The following ZCCHC14 variants were observed in gnomAD, a reference collection of about 807,000 sequenced individuals.
ZCCHC14 encodes the protein zinc finger CCHC domain-containing protein 14.
A neutral mutation model predicts 85.0 loss-of-function variants in ZCCHC14; 16 were observed. The ratio of observed to expected loss-of-function variants is 0.19; its 90% confidence interval spans 0.13 to 0.29. The LOEUF (loss-of-function observed/expected upper bound fraction) is 0.29. ZCCHC14 is among the 10% of genes least tolerant of loss of function. ZCCHC14 has a pLI of 1.00. For missense variants in ZCCHC14, 1,303 were observed against 1,443.5 expected, an observed-to-expected ratio of 0.90 and a Z score of 1.58; for synonymous variants, 775 against 630.7, an observed-to-expected ratio of 1.23 and a Z score of -3.43.
intron 2 of ZCCHC14, among the ~76,000 whole-genome samples, chr16:87,450,639 C>T (rs1281595235): frequency 2.0e-5 from 3 of 147,352 alleles, no homozygotes; most frequent in African/African-American, 5.0e-5. Flanking sequence ...GGCATGATCT[C>T]GGCTCATTGC....
chr16:87,456,426 C>T (rs9935988), intron 2 of ZCCHC14, among the ~76,000 whole-genome samples: 3,850 of 147,062 alleles, frequency 0.026, 163 homozygotes, highest in African/African-American at 0.091. Context: ...GCAGCTACTC[C>T]GGAGGCTGAG....
Position 87,412,003 on chromosome 16 carries a change from ATGGTGGTGG to A in ZCCHC14, c.2709_2717del (p.His904_His906del), listed in dbSNP as rs769194539. Reference sequence around the variant, plus strand: ...GCTGCGGGGGTGCCGGGGGCTGCTGATGGTGGTGGTGGTGGTGGTGGTTCGGATTCGAGG... The same window carrying A: ...GCTGCGGGGGTGCCGGGGGCTGCTGATGGTGGTGGTGGTTCGGATTCGAGG... On this transcript the variant is annotated inframe_deletion, in exon 12 of 13. Transcript: ENST00000671377. 19 of 1,609,188 alleles carry A rather than the reference ATGGTGGTGG, an allele frequency of 1.2e-5. No individual in the cohort carries two copies. The highest frequency in any genetic ancestry group is 1.0e-4 in the Admixed American group (6 of 59,956).
At chr16:87,438,784 G>A (rs139702778) in intron 2 of ZCCHC14, among the ~76,000 whole-genome samples, 664 of 152,232 alleles carry the variant, frequency 4.4e-3, no homozygotes, top group South Asian at 0.014. Context: ...CGGGCCCACC[G>A]TCGGCACTGC....
At chr16:87,440,265 A>C (rs1444214959) in intron 2 of ZCCHC14, among the ~76,000 whole-genome samples, 1 of 151,880 alleles carries the variant, frequency 6.6e-6, no homozygotes, top group African/African-American at 2.4e-5. Context: ...CCTGAGTTCA[A>C]GCGATTCTTG....
At chr16:87,423,787 A>G (rs924856406) in intron 4 of ZCCHC14, 23 bp downstream of exon 4, 9 of 1,611,306 alleles carry the variant, frequency 5.6e-6, no homozygotes, top group Admixed American at 5.0e-5. Flanking sequence ...TTTAATTTTT[A>G]TAAGAGCCCT....
At chr16:87,449,148 G>A (rs1321525315) in intron 2 of ZCCHC14, among the ~76,000 whole-genome samples, 3 of 152,310 alleles carry the variant, frequency 2.0e-5, no homozygotes, top group African/African-American at 7.2e-5. Context: ...TGAGGAAGGC[G>A]CTCATCTTGG....
In ZCCHC14 at chr16:87,491,619, T is replaced by A. The variant is rs751400260; in HGVS notation, c.570+50A>T. The A allele has an allele frequency of 7.4e-7, 1 of 1,342,390 alleles. No homozygotes were observed. The highest frequency in any genetic ancestry group is 3.7e-5 in the Admixed American group (1 of 26,886). 83.2% of individuals were successfully genotyped at this position (1,342,390 alleles called of 1,614,324 possible). A position where few individuals can be genotyped will look rare whatever the true frequency, so the allele number is the denominator to read the frequency against. On this transcript the variant is annotated intron_variant, in intron 1 of 12. Transcript: ENST00000671377. The surrounding 1 kb of genome is among the most constrained non-coding windows in gnomAD (Gnocchi z 5.9). ...CAGGCTGGAGGCTTGGAGTGCAGAG[T>A]TGGGGATGCAGACTTGGGGTACAGG... is the stretch of plus-strand genomic sequence containing the variant.
intron 6 of ZCCHC14, among the ~76,000 whole-genome samples, chr16:87,419,356 A>G (rs1027262739): frequency 1.3e-4 from 20 of 151,948 alleles, no homozygotes; most frequent in African/African-American, 4.6e-4. Context: ...GCTGGAGTGC[A>G]GTGGTGCAAT....
Position 87,412,452 on chromosome 16 carries a change from T to C in ZCCHC14, c.2269A>G (p.Thr757Ala). Residue 757 changes from threonine (T) to alanine (A), a missense_variant, in exon 12 of 13, where the codon ACG (threonine) becomes GCG (alanine). Around this residue, in one of 7 missense-constraint regions of ZCCHC14, gnomAD observed 797 missense variants for 730.8 expected, o/e 1.09. Transcript: ENST00000671377. ...QQPALVVETSTAATGTPSTVL... is the reference protein window; with the variant it reads ...QQPALVVETSAAATGTPSTVL... ...GTGCTGGGCGTCCCCGTGGCGGCCG[T>C]GCTGGTCTCCACGACCAGGGCCGGT... The C allele has an allele frequency of 1.2e-6, 2 of 1,613,880 alleles. No individual in the cohort carries two copies. Among genetic ancestry groups the C allele is most frequent in the Non-Finnish European group, 8.5e-7 (1 of 1,179,952 alleles).
Position 87,409,282 on chromosome 16 carries a change from T to G in ZCCHC14, c.*998A>C, listed in dbSNP as rs1908332244. On this transcript the variant is annotated 3_prime_UTR_variant, in exon 13 of 13. Coordinates refer to ENST00000671377, the MANE Select transcript of ZCCHC14 (RefSeq NM_015144.3). ...ATGTCTGTCTCAGGTGTGAATCCGC[T>G]AGCGATAAGCCTCGGGGTTGGAGGT... is the stretch of plus-strand genomic sequence containing the variant. 6.6e-6 allele frequency: 1 copy of G among 152,236 alleles called. No individual in the cohort carries two copies. Among genetic ancestry groups the G allele is most frequent in the East Asian group, 1.9e-4 (1 of 5,202 alleles). The allele number at this position is 152,236 out of a possible 1,614,324, so 9.4% of individuals were successfully genotyped here.
intron 1 of ZCCHC14, among the ~76,000 whole-genome samples, chr16:87,479,517 A>G (rs1282492786): frequency 6.6e-6 from 1 of 152,228 alleles, no homozygotes; most frequent in Non-Finnish European, 1.5e-5. Context: ...TGATGCCATA[A>G]TGCTCCCTTC....
intron 4 of ZCCHC14, among the ~76,000 whole-genome samples, chr16:87,422,080 C>A (rs1909128856): frequency 6.6e-6 from 1 of 152,166 alleles, no homozygotes; most frequent in South Asian, 2.1e-4. Context: ...GTGAAAACGA[C>A]AATATGCACA....
chr16:87,421,544 A>G (rs1488075166), intron 4 of ZCCHC14, among the ~76,000 whole-genome samples: 1 of 152,088 alleles, frequency 6.6e-6, no homozygotes, highest in African/African-American at 2.4e-5. Flanking sequence ...GGGCTGCAAG[A>G]GTGAAGGCCC....
rs975097823 is a variant in ZCCHC14 at position 87,406,587 on chromosome 16, T to G, written c.*3693A>C. On this transcript the variant is annotated 3_prime_UTR_variant, in exon 13 of 13. Coordinates refer to ENST00000671377, the MANE Select transcript of ZCCHC14 (RefSeq NM_015144.3). ...GGTGTCCAGTTTCAGTACCAAAGCC[T>G]TCTCTTTTTGTGCACGTAAGACTCA... 3.9e-5 allele frequency: 6 copies of G among 152,424 alleles called. No individual in the cohort carries two copies. Among genetic ancestry groups the G allele is most frequent in the East Asian group, 1.9e-4 (1 of 5,192 alleles). 9.4% of individuals were successfully genotyped at this position (152,424 alleles called of 1,614,324 possible). A position where few individuals can be genotyped will look rare whatever the true frequency, so the allele number is the denominator to read the frequency against.
intron 1 of ZCCHC14, among the ~76,000 whole-genome samples, chr16:87,480,351 C>T (rs1328974931): frequency 1.3e-5 from 2 of 151,690 alleles, no homozygotes; most frequent in African/African-American, 2.4e-5. Flanking sequence ...TGCAGTGAGC[C>T]GAGATTGCGC....
chr16:87,427,475 C>T (rs1909432125), intron 3 of ZCCHC14, among the ~76,000 whole-genome samples: 1 of 152,132 alleles, frequency 6.6e-6, no homozygotes, highest in Admixed American at 6.5e-5. Flanking sequence ...GTGGCGCGAT[C>T]TCAGCTCACT....
intron 1 of ZCCHC14, among the ~76,000 whole-genome samples, chr16:87,485,110 G>A (rs574556239): frequency 6.6e-6 from 1 of 152,316 alleles, no homozygotes; most frequent in African/African-American, 2.4e-5. Flanking sequence ...AATGGCGGGC[G>A]GGGTCCACAG....
chr16:87,476,080 A>T (rs1911992844), intron 1 of ZCCHC14, among the ~76,000 whole-genome samples: 1 of 152,232 alleles, frequency 6.6e-6, no homozygotes. Flanking sequence ...TCAAAGTCCC[A>T]GTAGAAGAAA....
chr16:87,411,109 C>T (rs1005590894), intron 12 of ZCCHC14, among the ~76,000 whole-genome samples: 2 of 152,190 alleles, frequency 1.3e-5, no homozygotes, highest in East Asian at 1.9e-4. Context: ...ACAGCCGCGC[C>T]GGCAGGGAGG....
Sources: gnomAD v4.1 joint callset for allele counts (sites outside exome capture counted in the v4.1 genomes callset) on GRCh38, gnomAD v4.1.1 for gene constraint, gnomAD v4.1.1 regional missense constraint, Gnocchi (gnomAD v3.1) non-coding constraint, MANE v1.5 for transcripts, NCBI Gene and HGNC (gene_info 2026-07-23, HGNC 2026-07-21) for gene names.